Variants in SPHKAP observed in about 807,000 individuals in gnomAD.
SPHKAP encodes SPHK1 interactor, AKAP domain containing.
In SPHKAP, 67 loss-of-function variants were observed where a neutral mutation model predicts 137.5. The ratio of observed to expected loss-of-function variants is 0.49; its 90% CI spans 0.40 to 0.60. The LOEUF is 0.60. SPHKAP is among the 20% of genes least tolerant of loss of function. SPHKAP has a pLI of 0.00. For synonymous variants in SPHKAP, 813 were observed against 785.3 expected, an observed-to-expected ratio of 1.04 and a Z score of -0.59; for missense variants, 2,097 against 2,069.3, an observed-to-expected ratio of 1.01 and a Z score of -0.26.
intron 2 of SPHKAP, among the ~76,000 whole-genome samples, chr2:228,123,488 A>G (rs1698975708): frequency 6.6e-6 from 1 of 152,132 alleles, no homozygotes; most frequent in Non-Finnish European, 1.5e-5. Context: ...CTTTAATTTT[A>G]TTTATTTATA....
intron 8 of SPHKAP, among the ~76,000 whole-genome samples, chr2:227,994,321 C>G (rs1693541687): frequency 6.6e-6 from 1 of 152,122 alleles, no homozygotes. Context: ...AACATATGGT[C>G]TAGTTACTAG....
At chr2:228,169,432 G>T (rs1042593536) in intron 1 of SPHKAP, among the ~76,000 whole-genome samples, 1 of 151,940 alleles carries the variant, frequency 6.6e-6, no homozygotes, top group Admixed American at 6.6e-5. Flanking sequence ...AAATCCTAGG[G>T]CCCTTAAGAT....
At chr2:227,984,567 C>A (rs574456315) in intron 11 of SPHKAP, among the ~76,000 whole-genome samples, 1 of 152,184 alleles carries the variant, frequency 6.6e-6, no homozygotes, top group African/African-American at 2.4e-5. Flanking sequence ...ATGTAAGATC[C>A]AAGCCATGAT....
chr2:228,139,255 T>C (rs35653781), intron 1 of SPHKAP, among the ~76,000 whole-genome samples: 13,874 of 152,228 alleles, frequency 0.091, 795 homozygotes, highest in Middle Eastern at 0.14. Context: ...TAAAACACTA[T>C]GTTGAATATT....
intron 1 of SPHKAP, among the ~76,000 whole-genome samples, chr2:228,154,532 A>ATTTTT (rs1168623467): frequency 3.4e-5 from 1 of 29,404 alleles, no homozygotes; most frequent in African/African-American, 1.4e-4. Flanking sequence ...ATATATATAT[A>ATTTTT]TTTTTTTTTT....
At chr2:228,117,473 A>T (rs1191317349) in intron 2 of SPHKAP, among the ~76,000 whole-genome samples, 1 of 152,122 alleles carries the variant, frequency 6.6e-6, no homozygotes, top group Non-Finnish European at 1.5e-5. Context: ...ATTTTCTTAC[A>T]CAAGAAGACT....
At chr2:228,042,422 A>G (rs1695888721) in intron 3 of SPHKAP, among the ~76,000 whole-genome samples, 1 of 152,184 alleles carries the variant, frequency 6.6e-6, no homozygotes, top group South Asian at 2.1e-4. Flanking sequence ...TGACGTATCC[A>G]TTTAAAGTGT....
At chr2:228,138,784 A>G (rs1699508328) in intron 1 of SPHKAP, among the ~76,000 whole-genome samples, 1 of 152,190 alleles carries the variant, frequency 6.6e-6, no homozygotes, top group Non-Finnish European at 1.5e-5. Flanking sequence ...TTTCCCAAAT[A>G]AACTTCAAGA....
rs982465794 is a variant in SPHKAP at position 227,995,552 on chromosome 2, C to G, written c.4591G>C (p.Asp1531His). 6.2e-7 allele frequency: 1 copy of G among 1,614,190 alleles called. No individual in the cohort carries two copies. The highest frequency in any genetic ancestry group is 8.5e-7 in the Non-Finnish European group (1 of 1,180,034). Reference protein sequence around the residue: ...TQLANEEDNPDDTSSFLQLSE... With the variant: ...TQLANEEDNPHDTSSFLQLSE... ...AGCTGGAGAAAGCTACTTGTGTCAT[C>G]TGGGTTGTCTTCCTCATTGGCAAGC... The change falls in exon 8 of 12, where the codon GAT becomes CAT. Residue 1531 changes from aspartate to histidine, a missense_variant. By Grantham distance (81) the Asp-to-His change is moderately conservative. Transcript: ENST00000392056.
chr2:228,127,081 C>G (rs951603505), intron 2 of SPHKAP, among the ~76,000 whole-genome samples: 1 of 152,058 alleles, frequency 6.6e-6, no homozygotes, highest in Non-Finnish European at 1.5e-5. Context: ...GGGGAATTGC[C>G]GACAGATTTC....
At chr2:228,014,628 A>G (rs1035839922) in intron 7 of SPHKAP, among the ~76,000 whole-genome samples, 2 of 152,240 alleles carry the variant, frequency 1.3e-5, no homozygotes, top group African/African-American at 4.8e-5. Flanking sequence ...CCACCTAGAC[A>G]CTATGTACCA....
chr2:228,077,915 T>G (rs529083280), intron 3 of SPHKAP, among the ~76,000 whole-genome samples: 1 of 152,166 alleles, frequency 6.6e-6, no homozygotes, highest in Non-Finnish European at 1.5e-5. Flanking sequence ...TGGGAGGTGA[T>G]TGAATTATGG....
chr2:227,989,720 C>T (rs1051662040), intron 11 of SPHKAP, among the ~76,000 whole-genome samples: 1 of 151,966 alleles, frequency 6.6e-6, no homozygotes, highest in African/African-American at 2.4e-5. Flanking sequence ...ATTCTCCTGT[C>T]TCAGCCTCCC....
chr2:228,133,061 C>G (rs74462908), intron 1 of SPHKAP, among the ~76,000 whole-genome samples: 1 of 151,538 alleles, frequency 6.6e-6, no homozygotes, highest in Non-Finnish European at 1.5e-5. Flanking sequence ...AATACCAGCA[C>G]TTTCGGAGGC....
At chr2:228,027,407 G>A (rs981101155) in intron 4 of SPHKAP, 77 bp downstream of exon 4, 2 of 1,432,384 alleles carry the variant, frequency 1.4e-6, no homozygotes, top group East Asian at 2.3e-5. Context: ...CCTACAAAAT[G>A]AGCATTATTT....
At chr2:228,078,402 A>G (rs1430754610) in intron 3 of SPHKAP, among the ~76,000 whole-genome samples, 1 of 107,732 alleles carries the variant, frequency 9.3e-6, no homozygotes, top group Non-Finnish European at 1.9e-5. Flanking sequence ...TTTTTTTTGT[A>G]AGGGACCATG....
intron 3 of SPHKAP, among the ~76,000 whole-genome samples, chr2:228,072,296 G>T (rs903885883): frequency 3.3e-5 from 5 of 152,114 alleles, no homozygotes; most frequent in African/African-American, 1.2e-4. Context: ...CATTGAATAA[G>T]CAGTTATCTA....
chr2:228,089,178 G>C lies in SPHKAP; in HGVS notation c.246+19654C>G, dbSNP rs530942170. On this transcript the variant is annotated intron_variant, in intron 3 of 11. Coordinates refer to ENST00000392056, the MANE Select transcript of SPHKAP (RefSeq NM_001142644.2). ...GGACAGAGAAGCCCAGGCTGAGGAG[G>C]CCTCAGATGCAAATAAGAAAGTTAT... is the stretch of plus-strand genomic sequence containing the variant. Among the ~76,000 whole-genome samples, 3 of 152,326 alleles carry C rather than the reference G, an allele frequency of 2.0e-5. No individual in the cohort carries two copies. In the East Asian group the frequency reaches 5.8e-4, roughly 29 times the overall value.
chr2:227,995,474 C>T, intron 8 of SPHKAP, 35 bp downstream of exon 8: 2 of 1,612,130 alleles, frequency 1.2e-6, no homozygotes, highest in Non-Finnish European at 1.7e-6. Context: ...GTGTTGAGAC[C>T]AATTTCCCTG....
Sources: allele counts gnomAD v4.1 joint callset (sites outside exome capture counted in the v4.1 genomes callset), GRCh38; gene constraint gnomAD v4.1.1; transcripts MANE v1.5; gene names NCBI Gene and HGNC (gene_info 2026-07-23, HGNC 2026-07-21).